The following LPCAT2 variants were observed in gnomAD, a reference collection of about 807,000 sequenced individuals.
LPCAT2 encodes the protein lysophosphatidylcholine acyltransferase 2.
A neutral mutation model predicts 64.7 loss-of-function variants in LPCAT2; 58 were observed. The observed-to-expected ratio is 0.90, with a 90% CI of 0.73 to 1.12. The LOEUF is 1.12. Ranked by LOEUF, LPCAT2 falls within the 50% of genes most tolerant of loss-of-function variation. The probability of loss-of-function intolerance (pLI) is 0.00; values close to 1 mark genes in which losing one functional copy is unlikely to be tolerated. For synonymous variants in LPCAT2, 252 were observed against 245.3 expected (o/e 1.03, Z -0.26); for missense variants, 579 against 669.8 (o/e 0.86, Z 1.50).
chr16:55,530,470 T>C (rs1963237071), intron 4 of LPCAT2, among the ~76,000 whole-genome samples: 1 of 137,084 alleles, frequency 7.3e-6, no homozygotes, highest in Non-Finnish European at 1.6e-5. Context: ...ATCTCACCAC[T>C]CCCTTCCCTG....
At chr16:55,543,055 A>G (rs1226348291) in intron 8 of LPCAT2, among the ~76,000 whole-genome samples, 3 of 152,188 alleles carry the variant, frequency 2.0e-5, no homozygotes, top group Admixed American at 2.0e-4. Context: ...TAAAGGATAC[A>G]TTCATACTGT....
At chr16:55,544,718 C>A (rs1223697532) in intron 8 of LPCAT2, among the ~76,000 whole-genome samples, 1 of 152,134 alleles carries the variant, frequency 6.6e-6, no homozygotes, top group Non-Finnish European at 1.5e-5. Context: ...CACCACCTTC[C>A]TCTTTGGCTG....
At chr16:55,561,484 A>G (rs1327584524) in intron 11 of LPCAT2, among the ~76,000 whole-genome samples, 1 of 151,702 alleles carries the variant, frequency 6.6e-6, no homozygotes, top group Non-Finnish European at 1.5e-5. Context: ...GAGGAGAAAA[A>G]GCTTGTTAAT....
At chr16:55,563,240 T>G (rs750552355) in intron 11 of LPCAT2, among the ~76,000 whole-genome samples, 6 of 151,632 alleles carry the variant, frequency 4.0e-5, no homozygotes, top group Non-Finnish European at 8.9e-5. Context: ...ACCAAAAACC[T>G]CCCAACAAAG....
At chr16:55,558,809 A>G (rs1197074871) in intron 11 of LPCAT2, among the ~76,000 whole-genome samples, 1 of 152,202 alleles carries the variant, frequency 6.6e-6, no homozygotes, top group African/African-American at 2.4e-5. Context: ...TTGGCCCACC[A>G]GCTGTAGTTC....
chr16:55,545,833 T>C lies in LPCAT2; in HGVS notation c.935+16T>C. The stretch of plus-strand genomic sequence containing the variant: ...TAATGGCAGAGTAAGTGTCTATATT[T>C]GATTATAACTCATAAATAATTTGAA... On this transcript the variant is annotated intron_variant, in intron 9 of 13. Transcript: ENST00000262134. The C allele has an allele frequency of 6.5e-7, 1 of 1,545,164 alleles. No individual in the cohort carries two copies. The highest frequency in any genetic ancestry group is 8.9e-7 in the Non-Finnish European group (1 of 1,128,872).
At chr16:55,524,942 T>C (rs1167088504) in intron 1 of LPCAT2, among the ~76,000 whole-genome samples, 1 of 152,092 alleles carries the variant, frequency 6.6e-6, no homozygotes, top group African/African-American at 2.4e-5. Flanking sequence ...ATAGTAAGCA[T>C]CCATGTATTA....
At chr16:55,565,127 G>A (rs1286099528) in intron 11 of LPCAT2, among the ~76,000 whole-genome samples, 2 of 151,926 alleles carry the variant, frequency 1.3e-5, no homozygotes, top group African/African-American at 4.8e-5. Context: ...TTAGGGTAAT[G>A]CAAATCAAAA....
At chr16:55,524,388 C>T (rs548386266) in intron 1 of LPCAT2, among the ~76,000 whole-genome samples, 9 of 151,960 alleles carry the variant, frequency 5.9e-5, no homozygotes, top group African/African-American at 1.9e-4. Flanking sequence ...ATCTAGCATT[C>T]GTTGCCTAAG....
intron 1 of LPCAT2, among the ~76,000 whole-genome samples, chr16:55,525,269 G>A (rs908060983): frequency 2.0e-5 from 3 of 152,062 alleles, no homozygotes; most frequent in African/African-American, 7.2e-5. Flanking sequence ...TTGGTATGCA[G>A]ATCATTTGTC....
intron 11 of LPCAT2, among the ~76,000 whole-genome samples, chr16:55,569,296 T>A (rs1387689113): frequency 1.3e-5 from 2 of 152,204 alleles, no homozygotes. Context: ...CTCAAGGGAC[T>A]TGTAATTTAA....
intron 8 of LPCAT2, among the ~76,000 whole-genome samples, chr16:55,545,135 A>G (rs1963438923): frequency 2.0e-5 from 3 of 152,256 alleles, no homozygotes. Flanking sequence ...GAGGCATCAC[A>G]GAACATCAAG....
At position 55,568,885 on chromosome 16, in the gene LPCAT2, C is replaced by T. The variant is rs562372169; in HGVS notation, c.1216-5746C>T. 3.9e-5 allele frequency among the ~76,000 whole-genome samples: 6 copies of T among 152,252 alleles called. No homozygotes were observed. The South Asian group carries it at 1.0e-3, about 26-fold the overall frequency. ...TTGATAATAGGCTAATATAGCAGAG[C>T]AAACAGAATCCAGGATTCCGGTGCC... On this transcript the variant is annotated intron_variant, in intron 11 of 13. Coordinates refer to ENST00000262134, the MANE Select transcript of LPCAT2 (RefSeq NM_017839.5).
intron 1 of LPCAT2, among the ~76,000 whole-genome samples, chr16:55,517,241 T>G (rs1467138622): frequency 1.3e-5 from 2 of 151,978 alleles, no homozygotes; most frequent in Non-Finnish European, 2.9e-5. Context: ...ATTAAATAAC[T>G]TAGTTGAAGT....
In LPCAT2 at chr16:55,584,633, GA is replaced by G. The variant is rs1452119718; in HGVS notation, c.*1536del. The G allele has an allele frequency of 6.6e-6, 1 of 152,082 alleles. No homozygotes were observed. Among genetic ancestry groups the G allele is most frequent in the African/African-American group, 2.4e-5 (1 of 41,426 alleles). 9.4% of individuals were successfully genotyped at this position (152,082 alleles called of 1,614,324 possible). A position where few individuals can be genotyped will look rare whatever the true frequency, so the allele number is the denominator to read the frequency against. On this transcript the variant is annotated 3_prime_UTR_variant, in exon 14 of 14. Coordinates refer to ENST00000262134, the MANE Select transcript of LPCAT2 (RefSeq NM_017839.5). ...TGGCCGTGTTTCTGAATGTATTGGT[GA>G]TTCACCCCCAAGCTAATTTTTTAAA...
chr16:55,575,679 C>T (rs1194415850), intron 12 of LPCAT2, among the ~76,000 whole-genome samples: 2 of 152,162 alleles, frequency 1.3e-5, no homozygotes, highest in Admixed American at 6.6e-5. Context: ...TCTAGAAAGA[C>T]TTTCTTCTTC....
rs1401948718 is a variant in LPCAT2 at position 55,585,927 on chromosome 16, A to G, written c.*2829A>G. ...CACTAATTGATGCTCAAATAGAAGG[A>G]TATTGACTATATTGGAACAGATGGA... On this transcript the variant is annotated 3_prime_UTR_variant, in exon 14 of 14. Coordinates refer to ENST00000262134, the MANE Select transcript of LPCAT2 (RefSeq NM_017839.5). 1 of 152,186 alleles carries G rather than the reference A, an allele frequency of 6.6e-6. No homozygotes were observed. Among genetic ancestry groups the G allele is most frequent in the South Asian group, 2.1e-4 (1 of 4,828 alleles). The allele number at this position is 152,186 out of a possible 1,614,324, so 9.4% of individuals were successfully genotyped here.
intron 8 of LPCAT2, chr16:55,541,793 G>A (rs547259129): frequency 1.8e-6 from 2 of 1,102,380 alleles, no homozygotes; most frequent in East Asian, 5.9e-5. Flanking sequence ...CTGGCACATA[G>A]TAAGTGTTCA....
intron 9 of LPCAT2, 91 bp from the exon 10 acceptor site, chr16:55,549,186 C>A: frequency 9.9e-7 from 1 of 1,005,918 alleles, no homozygotes; most frequent in Non-Finnish European, 1.4e-6. Context: ...TTTTCATTTG[C>A]TGTCGTTTGG....
Sources: gnomAD v4.1 joint callset for allele counts (sites outside exome capture counted in the v4.1 genomes callset) on GRCh38, gnomAD v4.1.1 for gene constraint, MANE v1.5 for transcripts, NCBI Gene and HGNC (gene_info 2026-07-23, HGNC 2026-07-21) for gene names.